The following ILF2 variants were observed in gnomAD, a reference collection of about 807,000 sequenced individuals.
ILF2 encodes the protein interleukin enhancer-binding factor 2.
In ILF2, 9 loss-of-function variants were observed where a neutral mutation model predicts 55.3. The ratio of observed to expected loss-of-function variants is 0.16; its 90% CI spans 0.10 to 0.28. The LOEUF (loss-of-function observed/expected upper bound fraction) is 0.28. Ranked by LOEUF, ILF2 falls within the 10% of genes least tolerant of loss-of-function variation. ILF2 has a pLI of 1.00. For missense variants in ILF2, 266 were observed against 474.9 expected, an observed-to-expected ratio of 0.56 and a Z score of 4.09; for synonymous variants, 151 against 161.8, an observed-to-expected ratio of 0.93 and a Z score of 0.50.
Position 153,668,476 on chromosome 1 carries a change from G to A in ILF2, c.190C>T (p.Leu64=), listed in dbSNP as rs755454220. 6.2e-7 allele frequency: 1 copy of A among 1,614,182 alleles called. No individual in the cohort carries two copies. Among genetic ancestry groups the A allele is most frequent in the South Asian group, 1.1e-5 (1 of 91,082 alleles). The change falls in exon 4 of 14, where the codon CTG becomes TTG. Residue 64 remains leucine, a synonymous_variant. Coordinates refer to ENST00000361891, the MANE Select transcript of ILF2 (RefSeq NM_004515.4). ...SEALLKRNQD[L]APNSAEQASI... is the part of the protein sequence containing the mutation. ...ACCTGTTCAGCAGAATTGGGAGCCA[G>A]GTCCTGATTCCTCTTCAGCAAGGCC...
At chr1:153,670,108 C>G in intron 2 of ILF2, 63 bp downstream of exon 2, 1 of 1,518,948 alleles carries the variant, frequency 6.6e-7, no homozygotes, top group Non-Finnish European at 9.1e-7. Context: ...CTCTAAAACT[C>G]CTATTTAGAT....
intron 8 of ILF2, 68 bp from the exon 9 acceptor site, chr1:153,664,542 T>TGG: frequency 8.0e-7 from 1 of 1,256,780 alleles, no homozygotes; most frequent in Non-Finnish European, 1.2e-6. Flanking sequence ...TTACCACTGC[T>TGG]ACAGTCTTAA....
At position 153,667,587 on chromosome 1, in the gene ILF2, T is replaced by G; in HGVS notation, c.362A>C (p.Asp121Ala). ...CAGAATCTTGAGTATCACCACCAGGTCAGCCACATTGTGTCCTGTAGTCAT... is the reference window on the plus strand; with the variant it reads ...CAGAATCTTGAGTATCACCACCAGGGCAGCCACATTGTGTCCTGTAGTCAT... Reference protein sequence around the residue: ...GTMTTGHNVADLVVILKILPT... With the variant: ...GTMTTGHNVAALVVILKILPT... Residue 121 changes from aspartate to alanine, a missense_variant, in exon 6 of 14, where the codon GAC (aspartate) becomes GCC (alanine). By Grantham distance (126) the Asp-to-Ala change is moderately radical. Coordinates refer to ENST00000361891, the MANE Select transcript of ILF2 (RefSeq NM_004515.4). 6 of 1,613,786 alleles carry G rather than the reference T, an allele frequency of 3.7e-6. No individual in the cohort carries two copies. Among genetic ancestry groups the G allele is most frequent in the Non-Finnish European group, 5.1e-6 (6 of 1,179,650 alleles).
Position 153,667,776 on chromosome 1 carries a change from A to G in ILF2, c.292-119T>C, listed in dbSNP as rs1265582002. On this transcript the variant is annotated intron_variant, in intron 5 of 13. Transcript: ENST00000361891. ...CAAATTAAGAAGTAGCAGAGGTGAA[A>G]TCACCCCCAAAACCACCACATGAAA... The G allele has an allele frequency of 5.3e-6, 4 of 749,162 alleles. No individual in the cohort carries two copies. The Admixed American group carries it at 1.0e-4, about 19-fold the overall frequency. 46.4% of individuals were successfully genotyped at this position (749,162 alleles called of 1,614,324 possible). A position where few individuals can be genotyped will look rare whatever the true frequency, so the allele number is the denominator to read the frequency against.
Position 153,663,004 on chromosome 1 carries a change from T to A in ILF2, c.921+15A>T. 6.3e-7 allele frequency: 1 copy of A among 1,596,386 alleles called. No individual in the cohort carries two copies. Among genetic ancestry groups the A allele is most frequent in the Non-Finnish European group, 8.6e-7 (1 of 1,164,008 alleles). ...GAGTGGGGCAAAACAACTCAGTTCA[T>A]ATCTGTCCCAATACCTGCTGTTCTA... On this transcript the variant is annotated intron_variant, in intron 12 of 13. Coordinates refer to ENST00000361891, the MANE Select transcript of ILF2 (RefSeq NM_004515.4).
rs560751962 is a variant in ILF2 at position 153,662,375 on chromosome 1, G to T, written c.*21C>A. The T allele has an allele frequency of 2.7e-5, 44 of 1,613,624 alleles. No individual in the cohort carries two copies. The Admixed American group carries it at 6.0e-4, about 22-fold the overall frequency. On this transcript the variant is annotated 3_prime_UTR_variant, in exon 14 of 14. Coordinates refer to ENST00000361891, the MANE Select transcript of ILF2 (RefSeq NM_004515.4). Reference sequence around the variant, plus strand: ...AGGCTCCAGTCTTCCCCCTTGGGTAGGAAAAGGAGTGAAGGGAATGTCACT... The same window carrying T: ...AGGCTCCAGTCTTCCCCCTTGGGTATGAAAAGGAGTGAAGGGAATGTCACT...
intron 1 of ILF2, 100 bp downstream of exon 1, chr1:153,670,818 G>A: frequency 1.4e-6 from 2 of 1,409,796 alleles, no homozygotes; most frequent in East Asian, 2.3e-5. Context: ...GCCAGCCCCC[G>A]GATACATGGC....
rs1169754605 is a variant in ILF2, at chr1:153,663,002, C to G, written c.921+17G>C. 6.3e-7 allele frequency: 1 copy of G among 1,592,892 alleles called. No individual in the cohort carries two copies. The highest frequency in any genetic ancestry group is 1.7e-5 in the Admixed American group (1 of 59,968). On this transcript the variant is annotated intron_variant, in intron 12 of 13. Coordinates refer to ENST00000361891, the MANE Select transcript of ILF2 (RefSeq NM_004515.4). The stretch of plus-strand genomic sequence containing the variant: ...AAGAGTGGGGCAAAACAACTCAGTT[C>G]ATATCTGTCCCAATACCTGCTGTTC...
At chr1:153,668,968 G>A (rs1571337363) in intron 3 of ILF2, among the ~76,000 whole-genome samples, 1 of 152,082 alleles carries the variant, frequency 6.6e-6, no homozygotes, top group African/African-American at 2.4e-5. Context: ...ACCGTGGGAG[G>A]CTGAGGTGGG....
Position 153,662,338 on chromosome 1 carries a change from A to G in ILF2, c.*58T>C. 13 of 1,607,190 alleles carry G rather than the reference A, an allele frequency of 8.1e-6. No individual in the cohort carries two copies. The highest frequency in any genetic ancestry group is 1.0e-5 in the Non-Finnish European group (12 of 1,176,988). On this transcript the variant is annotated 3_prime_UTR_variant, in exon 14 of 14. Coordinates refer to ENST00000361891, the MANE Select transcript of ILF2 (RefSeq NM_004515.4). ...TGTCTGTCACCATGTAAAGCCCAGT[A>G]GCAGGCAGCTTAGGCTCCAGTCTTC...
intron 7 of ILF2, 48 bp from the exon 8 acceptor site, chr1:153,665,384 T>C (rs1479222085): frequency 7.9e-7 from 1 of 1,261,030 alleles, no homozygotes. Context: ...TTCCATTAGA[T>C]GATCAAAGTT....
chr1:153,662,696 G>T lies in ILF2; in HGVS notation c.1012+9C>A, dbSNP rs765271273. The T allele has an allele frequency of 5.6e-6, 9 of 1,612,808 alleles. No individual in the cohort carries two copies. In the Admixed American group the frequency reaches 6.7e-5, roughly 12 times the overall value. On this transcript the variant is annotated intron_variant, in intron 13 of 13. Transcript: ENST00000361891. ...AATACAAAACCCCTGACCCACAGTG[G>T]TCACTCACAGCTGGCATCACCCTCC...
intron 3 of ILF2, among the ~76,000 whole-genome samples, chr1:153,668,765 G>A (rs1669373460): frequency 6.6e-6 from 1 of 151,392 alleles, no homozygotes; most frequent in African/African-American, 2.4e-5. Flanking sequence ...GGGCGTGGTG[G>A]CTCACACCTG....
At chr1:153,669,684 C>A in intron 3 of ILF2, 152 bp downstream of exon 3, 1 of 687,826 alleles carries the variant, frequency 1.5e-6, no homozygotes, top group Non-Finnish European at 2.6e-6. Flanking sequence ...TCAGGTAATC[C>A]ATCTGCCTCG....
In ILF2 at chr1:153,670,980, A is replaced by C. The variant is rs2101718969; in HGVS notation, c.-58T>G. On this transcript the variant is annotated 5_prime_UTR_variant, in exon 1 of 14. Coordinates refer to ENST00000361891, the MANE Select transcript of ILF2 (RefSeq NM_004515.4). Reference sequence around the variant, plus strand: ...CCAACCGCCCCTTCCTCTGAGTAGCAGACAACTGAAGAGGCGTCTTGCCGG... The same window carrying C: ...CCAACCGCCCCTTCCTCTGAGTAGCCGACAACTGAAGAGGCGTCTTGCCGG... 1.2e-6 allele frequency: 2 copies of C among 1,609,856 alleles called. No individual in the cohort carries two copies. The highest frequency in any genetic ancestry group is 1.1e-5 in the South Asian group (1 of 91,008).
At chr1:153,664,679 C>A (rs1332659235) in intron 8 of ILF2, among the ~76,000 whole-genome samples, 1 of 152,162 alleles carries the variant, frequency 6.6e-6, no homozygotes, top group East Asian at 1.9e-4. Context: ...CCTGCCTCAG[C>A]CTCCTGAGTA....
chr1:153,665,504 C>T (rs1669283221), intron 7 of ILF2, 159 bp downstream of exon 7: 1 of 760,680 alleles, frequency 1.3e-6, no homozygotes, highest in Non-Finnish European at 2.3e-6. Context: ...CTCCCTTGAA[C>T]ACCTTGAACA....
intron 4 of ILF2, 48 bp from the exon 5 acceptor site, chr1:153,668,125 A>ATTTCTCAGAATTTGAATAT: frequency 7.4e-7 from 1 of 1,354,244 alleles, no homozygotes; most frequent in Non-Finnish European, 1.0e-6. Flanking sequence ...ATTATAAGCA[A>ATTTCTCAGAATTTGAATAT]TTTCTCAGAA....
At chr1:153,664,531 A>G in intron 8 of ILF2, 57 bp from the exon 9 acceptor site, 1 of 1,311,832 alleles carries the variant, frequency 7.6e-7, no homozygotes, top group Non-Finnish European at 1.1e-6. Flanking sequence ...CAAGCTACTC[A>G]TTACCACTGC....
Sources: gnomAD v4.1 joint callset for allele counts (sites outside exome capture counted in the v4.1 genomes callset) on GRCh38, gnomAD v4.1.1 for gene constraint, MANE v1.5 for transcripts, NCBI Gene and HGNC (gene_info 2026-07-23, HGNC 2026-07-21) for gene names.